THSD7A: variants seen among roughly 807,000 people sequenced by gnomAD.
THSD7A encodes the protein thrombospondin type 1 domain containing 7A, also known as thrombospondin type-1 domain-containing protein 7A.
A neutral mutation model predicts 231.3 loss-of-function variants in THSD7A; 96 were observed. The observed-to-expected ratio is 0.41, with a 90% confidence interval of 0.35 to 0.49. The LOEUF (loss-of-function observed/expected upper bound fraction) is 0.49, where lower values mean the gene tolerates loss of function less well. Among genes scored for constraint, THSD7A ranks in the 20% least tolerant of loss-of-function variants. The pLI, the probability that THSD7A is intolerant of heterozygous loss-of-function variation, is 0.05. For missense variants in THSD7A, 2,290 were observed against 2,070.2 expected (o/e 1.11, Z -2.06); for synonymous variants, 940 against 743.3 (o/e 1.26, Z -4.30).
At chr7:11,399,156 A>G (rs1228464955) in intron 23 of THSD7A, among the ~76,000 whole-genome samples, 1 of 152,204 alleles carries the variant, frequency 6.6e-6, no homozygotes, top group Non-Finnish European at 1.5e-5. Flanking sequence ...GAAAACTCAT[A>G]ATTAAAGCCA....
chr7:11,492,616 T>A (rs1299776809), intron 6 of THSD7A, among the ~76,000 whole-genome samples: 1 of 151,956 alleles, frequency 6.6e-6, no homozygotes, highest in Non-Finnish European at 1.5e-5. Flanking sequence ...ATGGCACAGT[T>A]CATAAAGGAA....
intron 1 of THSD7A, among the ~76,000 whole-genome samples, chr7:11,768,135 A>C (rs10499403): frequency 0.35 from 53,106 of 152,020 alleles, 11,248 homozygotes; most frequent in Middle Eastern, 0.47. Flanking sequence ...TAAGAAGACC[A>C]TACTTGGCAG....
At chr7:11,827,266 A>T (rs1405805071) in intron 1 of THSD7A, among the ~76,000 whole-genome samples, 2 of 152,052 alleles carry the variant, frequency 1.3e-5, no homozygotes, top group African/African-American at 4.8e-5. Flanking sequence ...CTTACATACC[A>T]CTTAGTTATT....
chr7:11,714,644 T>C (rs1781076196), intron 1 of THSD7A, among the ~76,000 whole-genome samples: 1 of 142,370 alleles, frequency 7.0e-6, no homozygotes, highest in African/African-American at 3.0e-5. Flanking sequence ...GAAAGCATCT[T>C]CTTAATTAAA....
chr7:11,706,821 G>C (rs1780784922), intron 1 of THSD7A, among the ~76,000 whole-genome samples: 2 of 150,300 alleles, frequency 1.3e-5, no homozygotes, highest in Non-Finnish European at 3.0e-5. Context: ...AGAGTCTAAA[G>C]AATGAATGAC....
chr7:11,688,641 G>T (rs895147592), intron 1 of THSD7A, among the ~76,000 whole-genome samples: 2 of 151,814 alleles, frequency 1.3e-5, no homozygotes, highest in Admixed American at 6.6e-5. Flanking sequence ...GAAGATTTCA[G>T]ATAAAGAGGT....
At chr7:11,575,982 C>T (rs1256474324) in intron 4 of THSD7A, among the ~76,000 whole-genome samples, 1 of 152,140 alleles carries the variant, frequency 6.6e-6, no homozygotes. Context: ...TGGTGCTTCT[C>T]ATTTACAACT....
intron 16 of THSD7A, among the ~76,000 whole-genome samples, chr7:11,419,354 A>G (rs1024711610): frequency 2.6e-5 from 4 of 152,092 alleles, no homozygotes; most frequent in Non-Finnish European, 5.9e-5. Context: ...ATGAGATACA[A>G]TGGTTTAAAA....
intron 1 of THSD7A, among the ~76,000 whole-genome samples, chr7:11,809,413 G>A (rs969061054): frequency 3.3e-5 from 5 of 152,110 alleles, no homozygotes; most frequent in African/African-American, 1.2e-4. Flanking sequence ...GTGGCTGTCT[G>A]TTGCTTATCT....
intron 16 of THSD7A, 46 bp from the exon 17 acceptor site, chr7:11,417,649 A>C (rs750036250): frequency 2.6e-6 from 4 of 1,560,774 alleles, no homozygotes; most frequent in Non-Finnish European, 3.5e-6. Flanking sequence ...CATACATTCT[A>C]GAAGTAAAGA....
At chr7:11,569,744 C>T (rs1337171200) in intron 4 of THSD7A, among the ~76,000 whole-genome samples, 1 of 152,144 alleles carries the variant, frequency 6.6e-6, no homozygotes, top group African/African-American at 2.4e-5. Flanking sequence ...GCACTATTCA[C>T]TATTTATAGC....
At chr7:11,591,674 G>C (rs769886084) in intron 3 of THSD7A, among the ~76,000 whole-genome samples, 1 of 152,086 alleles carries the variant, frequency 6.6e-6, no homozygotes, top group African/African-American at 2.4e-5. Flanking sequence ...GTTGCTTAAC[G>C]AATTGTGGGA....
chr7:11,405,541 C>G (rs995564785), intron 22 of THSD7A, among the ~76,000 whole-genome samples: 1 of 152,102 alleles, frequency 6.6e-6, no homozygotes, highest in African/African-American at 2.4e-5. Flanking sequence ...ATACCTTGTT[C>G]AAGGATGGGT....
intron 13 of THSD7A, among the ~76,000 whole-genome samples, chr7:11,439,766 G>T (rs1454901386): frequency 2.0e-5 from 3 of 152,026 alleles, no homozygotes; most frequent in Non-Finnish European, 4.4e-5. Flanking sequence ...GCTAGCAGAG[G>T]TTGGTTTGGA....
intron 1 of THSD7A, among the ~76,000 whole-genome samples, chr7:11,658,726 G>A (rs903702753): frequency 5.3e-5 from 8 of 151,630 alleles, no homozygotes; most frequent in African/African-American, 9.7e-5. Flanking sequence ...CCAGTCTTAC[G>A]TTATTCGATT....
At chr7:11,546,858 A>G (rs1789421743) in intron 4 of THSD7A, among the ~76,000 whole-genome samples, 2 of 152,196 alleles carry the variant, frequency 1.3e-5, no homozygotes, top group Non-Finnish European at 2.9e-5. Flanking sequence ...TTAAGAAAAA[A>G]AACAAACTGA....
At chr7:11,537,140 G>A (rs929177605) in intron 6 of THSD7A, among the ~76,000 whole-genome samples, 7 of 152,108 alleles carry the variant, frequency 4.6e-5, no homozygotes, top group African/African-American at 1.7e-4. Flanking sequence ...AAAGAAGTAT[G>A]ACAAGAACTA....
intron 1 of THSD7A, among the ~76,000 whole-genome samples, chr7:11,658,097 G>A (rs539063411): frequency 1.1e-4 from 16 of 151,698 alleles, no homozygotes; most frequent in South Asian, 8.3e-4. Context: ...ATCCATCACC[G>A]GGCTAATTAG....
At chr7:11,563,024 G>A (rs888897466) in intron 4 of THSD7A, among the ~76,000 whole-genome samples, 4 of 152,150 alleles carry the variant, frequency 2.6e-5, no homozygotes, top group African/African-American at 4.8e-5. Flanking sequence ...AGTAATTGGC[G>A]TCAAGCAAAT....
Sources: allele counts gnomAD v4.1 joint callset (sites outside exome capture counted in the v4.1 genomes callset), GRCh38; gene constraint gnomAD v4.1.1; transcripts MANE v1.5; gene names NCBI Gene and HGNC (gene_info 2026-07-23, HGNC 2026-07-21).